TTC28: variants seen among roughly 807,000 people sequenced by gnomAD.
The protein encoded by TTC28 is tetratricopeptide repeat protein 28.
A neutral mutation model predicts 198.0 loss-of-function variants in TTC28; 61 were observed. That is an observed-to-expected ratio of 0.31 (90% CI 0.25 to 0.38). TTC28 has a LOEUF of 0.38. Among genes scored for constraint, TTC28 ranks in the 10% least tolerant of loss-of-function variants. TTC28 has a pLI of 1.00. For missense variants in TTC28, 2,678 were observed against 3,164.0 expected (o/e 0.85, Z 3.69); for synonymous variants, 1,171 against 1,297.8 (o/e 0.90, Z 2.10).
At chr22:28,386,383 T>C (rs948877067) in intron 2 of TTC28, among the ~76,000 whole-genome samples, 8 of 151,978 alleles carry the variant, frequency 5.3e-5, no homozygotes, top group Non-Finnish European at 1.2e-4. Flanking sequence ...TTATGCTTTT[T>C]CTTCCTGCTC....
intron 2 of TTC28, among the ~76,000 whole-genome samples, chr22:28,540,353 T>C (rs770570434): frequency 1.8e-4 from 27 of 152,160 alleles, no homozygotes; most frequent in Non-Finnish European, 3.2e-4. Context: ...ATGTCACATA[T>C]TTTTAAATGA....
At chr22:28,022,112 A>T (rs1240822304) in intron 13 of TTC28, among the ~76,000 whole-genome samples, 1 of 152,228 alleles carries the variant, frequency 6.6e-6, no homozygotes, top group Non-Finnish European at 1.5e-5. Flanking sequence ...GGCAGCAGAA[A>T]GCCTGTGGCC....
chr22:28,561,219 AC>A (rs1163468375), intron 2 of TTC28, among the ~76,000 whole-genome samples: 1 of 150,852 alleles, frequency 6.6e-6, no homozygotes, highest in Non-Finnish European at 1.5e-5. Context: ...GACTACAGGC[AC>A]CCACCGCCAC....
chr22:28,497,706 G>T (rs1212459176), intron 2 of TTC28, among the ~76,000 whole-genome samples: 1 of 152,142 alleles, frequency 6.6e-6, no homozygotes, highest in East Asian at 1.9e-4. Flanking sequence ...CAAGAGGTAT[G>T]AGTTAAATCT....
Position 28,662,132 on chromosome 22 carries a change from A to G in TTC28, c.102+17490T>C, listed in dbSNP as rs1208480715. ...TTAAATTAATAGATAATAAAATTTGATAATAAACTTAATGTCAAATACTGC... is the reference window on the plus strand; with the variant it reads ...TTAAATTAATAGATAATAAAATTTGGTAATAAACTTAATGTCAAATACTGC... On this transcript the variant is annotated intron_variant, in intron 1 of 22. Coordinates refer to ENST00000397906, the MANE Select transcript of TTC28 (RefSeq NM_001145418.2). 2.0e-5 allele frequency among the ~76,000 whole-genome samples: 3 copies of G among 152,242 alleles called. No homozygotes were observed. The East Asian group carries it at 5.8e-4, about 29-fold the overall frequency.
intron 2 of TTC28, among the ~76,000 whole-genome samples, chr22:28,371,821 C>T (rs1397103197): frequency 6.7e-6 from 1 of 148,930 alleles, no homozygotes; most frequent in Non-Finnish European, 1.5e-5. Context: ...ATCTCGTGAT[C>T]CATCCACCAC....
At chr22:28,165,605 A>G (rs1921837098) in intron 5 of TTC28, among the ~76,000 whole-genome samples, 1 of 152,160 alleles carries the variant, frequency 6.6e-6, no homozygotes. Flanking sequence ...GAGAAATAAA[A>G]TCCTTTACAG....
At chr22:28,444,471 A>C (rs1408526631) in intron 2 of TTC28, among the ~76,000 whole-genome samples, 1 of 152,218 alleles carries the variant, frequency 6.6e-6, no homozygotes, top group Non-Finnish European at 1.5e-5. Context: ...TGAGAATCTG[A>C]AATTCAATAG....
At chr22:28,397,992 T>C (rs997388866) in intron 2 of TTC28, among the ~76,000 whole-genome samples, 1 of 152,216 alleles carries the variant, frequency 6.6e-6, no homozygotes, top group African/African-American at 2.4e-5. Flanking sequence ...GAACATTTTA[T>C]AGGCACCAGA....
intron 2 of TTC28, among the ~76,000 whole-genome samples, chr22:28,591,040 C>CACAT (rs1362164401): frequency 3.6e-4 from 11 of 30,750 alleles, no homozygotes; most frequent in African/African-American, 1.6e-3. Flanking sequence ...CACACACACA[C>CACAT]ATATATATAT....
chr22:28,450,599 C>A (rs984174816), intron 2 of TTC28, among the ~76,000 whole-genome samples: 1 of 152,184 alleles, frequency 6.6e-6, no homozygotes, highest in Admixed American at 6.5e-5. Context: ...ACTAGTTTTA[C>A]TACGCTAACT....
chr22:28,571,167 T>C (rs1294238522), intron 2 of TTC28, among the ~76,000 whole-genome samples: 2 of 152,242 alleles, frequency 1.3e-5, no homozygotes, highest in Non-Finnish European at 2.9e-5. Flanking sequence ...TATGAGGCTA[T>C]GTGGAATTTT....
chr22:28,488,212 A>G (rs888314936), intron 2 of TTC28, among the ~76,000 whole-genome samples: 2 of 152,172 alleles, frequency 1.3e-5, no homozygotes, highest in African/African-American at 4.8e-5. Context: ...GATAGTCTAC[A>G]TGTCTCTGAA....
intron 2 of TTC28, among the ~76,000 whole-genome samples, chr22:28,362,519 C>A (rs948055866): frequency 1.3e-5 from 2 of 152,026 alleles, no homozygotes; most frequent in African/African-American, 4.8e-5. Context: ...AAAAGATAAC[C>A]AAAAATGTGG....
rs373932199 is a variant in TTC28 at position 28,283,766 on chromosome 22, A to T, written c.933+12432T>A. ...GGGTCTCACCATGTTGCTCAGACAGACCTTGAACTCCTGCTCAAGCAATCC... is the reference window on the plus strand; with the variant it reads ...GGGTCTCACCATGTTGCTCAGACAGTCCTTGAACTCCTGCTCAAGCAATCC... On this transcript the variant is annotated intron_variant, in intron 5 of 22. Coordinates refer to ENST00000397906, the MANE Select transcript of TTC28 (RefSeq NM_001145418.2). 1.2e-4 allele frequency among the ~76,000 whole-genome samples: 19 copies of T among 152,290 alleles called. No homozygotes were observed. The East Asian group carries it at 2.5e-3, about 20-fold the overall frequency.
intron 2 of TTC28, among the ~76,000 whole-genome samples, chr22:28,537,249 C>T (rs931460439): frequency 1.4e-5 from 2 of 143,338 alleles, no homozygotes; most frequent in African/African-American, 2.5e-5. Context: ...GTCGAGATTG[C>T]GCCACTGCAC....
chr22:28,619,109 G>A (rs2050948908), intron 2 of TTC28, among the ~76,000 whole-genome samples: 1 of 151,918 alleles, frequency 6.6e-6, no homozygotes, highest in South Asian at 2.1e-4. Flanking sequence ...TATTATAAAG[G>A]AAAGAAAAAT....
intron 2 of TTC28, among the ~76,000 whole-genome samples, chr22:28,575,495 C>A (rs1487265958): frequency 6.6e-6 from 1 of 152,046 alleles, no homozygotes; most frequent in Admixed American, 6.6e-5. Context: ...TATTCTGGGT[C>A]TTTTGTGGTT....
At chr22:28,396,392 T>C (rs2046816308) in intron 2 of TTC28, among the ~76,000 whole-genome samples, 1 of 152,190 alleles carries the variant, frequency 6.6e-6, no homozygotes, top group Non-Finnish European at 1.5e-5. Flanking sequence ...CTGGGCCACA[T>C]AGCTCAACTT....
Sources: gnomAD v4.1 joint callset for allele counts (sites outside exome capture counted in the v4.1 genomes callset) on GRCh38, gnomAD v4.1.1 for gene constraint, MANE v1.5 for transcripts, NCBI Gene and HGNC (gene_info 2026-07-23, HGNC 2026-07-21) for gene names.